C3orf20: variants seen among roughly 807,000 people sequenced by gnomAD.
The protein encoded by C3orf20 is uncharacterized protein C3orf20.
Under a neutral mutation model 88.3 loss-of-function variants are expected in C3orf20, and 76 were observed. That is an observed-to-expected ratio of 0.86 (90% confidence interval 0.72 to 1.04). The LOEUF (loss-of-function observed/expected upper bound fraction) is 1.04, where lower values mean the gene tolerates loss of function less well. C3orf20 is among the 50% of genes least tolerant of loss of function. The probability of loss-of-function intolerance (pLI) is 0.00; values close to 1 mark genes in which losing one functional copy is unlikely to be tolerated. For synonymous variants in C3orf20, 436 were observed against 437.4 expected, an observed-to-expected ratio of 1.00 and a Z score of 0.04; for missense variants, 1,056 against 1,123.3, an observed-to-expected ratio of 0.94 and a Z score of 0.86.
At position 14,737,234 on chromosome 3, in the gene C3orf20, CT is replaced by C. The variant is rs1409343270; in HGVS notation, c.1940+8551del. 1.3e-4 allele frequency among the ~76,000 whole-genome samples: 19 copies of C among 151,712 alleles called. 1 individual carries two copies. The South Asian group carries it at 3.5e-3, about 28-fold the overall frequency. On this transcript the variant is annotated intron_variant, in intron 12 of 16. Transcript: ENST00000253697. The stretch of plus-strand genomic sequence containing the variant: ...TCTCTTTTTATCCTCCCTTTTTTCT[CT>C]TTTTCCCCCTCCCTTCCTCCTTTAC...
At chr3:14,771,583 T>C (rs1387562661) in intron 15 of C3orf20, among the ~76,000 whole-genome samples, 2 of 152,240 alleles carry the variant, frequency 1.3e-5, no homozygotes, top group African/African-American at 4.8e-5. Flanking sequence ...ACCAGTTATG[T>C]TGGATTGGAC....
At chr3:14,703,796 G>C (rs1203573792) in intron 6 of C3orf20, among the ~76,000 whole-genome samples, 1 of 152,236 alleles carries the variant, frequency 6.6e-6, no homozygotes, top group African/African-American at 2.4e-5. Context: ...TGGGTGATTA[G>C]TGGTTTTTAT....
At chr3:14,677,910 TC>T (rs754533833) in intron 1 of C3orf20, among the ~76,000 whole-genome samples, 3 of 151,892 alleles carry the variant, frequency 2.0e-5, no homozygotes, top group Non-Finnish European at 2.9e-5. Context: ...CCACCACACT[TC>T]CCTCCACGCT....
At chr3:14,753,714 T>A (rs2035282688) in intron 12 of C3orf20, among the ~76,000 whole-genome samples, 1 of 152,200 alleles carries the variant, frequency 6.6e-6, no homozygotes, top group African/African-American at 2.4e-5. Context: ...TCCTTAAGAT[T>A]TGTTGTTGCT....
chr3:14,722,435 G>C (rs2124976911), intron 10 of C3orf20: 10 of 456,244 alleles, frequency 2.2e-5, no homozygotes, highest in South Asian at 1.6e-4. Context: ...GAACCACCTG[G>C]GCAAAGGATA....
chr3:14,761,692 A>T, intron 15 of C3orf20, 77 bp downstream of exon 15: 40 of 1,102,896 alleles, frequency 3.6e-5, no homozygotes, highest in East Asian at 8.8e-5. Context: ...GGGCTGTGAA[A>T]GGGGAACTGA....
rs185786960 is a variant in C3orf20, at chr3:14,707,780, G to A, written c.1160+3162G>A. Among the ~76,000 whole-genome samples the A allele has an allele frequency of 3.8e-4, 56 of 148,596 alleles. 1 individual carries two copies. Among genetic ancestry groups the A allele is most frequent in the South Asian group, 3.4e-3 (16 of 4,702 alleles). ...TTGGCTTTATGTCTAAAAAACCATC[G>A]CCAAATCCAAGGTTATAACATTTAC... On this transcript the variant is annotated intron_variant, in intron 7 of 16. Transcript: ENST00000253697.
In C3orf20 at chr3:14,757,661, C is replaced by G. The variant is rs1222044103; in HGVS notation, c.2231C>G (p.Ser744Cys). The G allele has an allele frequency of 6.2e-7, 1 of 1,609,962 alleles. No homozygotes were observed. The highest frequency in any genetic ancestry group is 1.1e-5 in the South Asian group (1 of 90,900). The change falls in exon 13 of 17, where the codon TCC becomes TGC. Residue 744 changes from serine (S) to cysteine (C), a missense_variant. Physicochemically the swap from Ser to Cys is moderately radical, Grantham distance 112. Transcript: ENST00000253697. The stretch of plus-strand genomic sequence containing the variant: ...AACCACCAGCAGCGGGGCCGTGGCT[C>G]CCCCTGCATCCAGGTTGGTCTGGGC... Reference protein sequence around the residue: ...LYNHQQRGRGSPCIQCRYDSY... With the variant: ...LYNHQQRGRGCPCIQCRYDSY...
At chr3:14,736,436 G>A (rs765812408) in intron 12 of C3orf20, among the ~76,000 whole-genome samples, 25 of 151,858 alleles carry the variant, frequency 1.6e-4, no homozygotes, top group Admixed American at 3.3e-4. Context: ...GATTACAAGC[G>A]TGTGCCACCA....
At chr3:14,700,443 G>A (rs775221771) in intron 5 of C3orf20, among the ~76,000 whole-genome samples, 2 of 152,130 alleles carry the variant, frequency 1.3e-5, no homozygotes, top group Non-Finnish European at 2.9e-5. Context: ...TATCATAGGT[G>A]TGCATGTAAA....
intron 12 of C3orf20, among the ~76,000 whole-genome samples, chr3:14,744,641 A>G (rs2035009495): frequency 1.3e-5 from 2 of 152,144 alleles, no homozygotes; most frequent in South Asian, 4.1e-4. Flanking sequence ...AATTGGACTT[A>G]CAGTTCCCCA....
At chr3:14,753,310 G>A (rs1330375016) in intron 12 of C3orf20, among the ~76,000 whole-genome samples, 1 of 152,170 alleles carries the variant, frequency 6.6e-6, no homozygotes, top group Non-Finnish European at 1.5e-5. Context: ...GACATAGGGA[G>A]GGGAACATCA....
intron 4 of C3orf20, among the ~76,000 whole-genome samples, chr3:14,685,793 T>C (rs1350330396): frequency 2.0e-5 from 3 of 152,248 alleles, no homozygotes; most frequent in South Asian, 2.1e-4. Flanking sequence ...TTTCTGGCTT[T>C]TTTTTCATTC....
At position 14,692,189 on chromosome 3, in the gene C3orf20, G is replaced by A. The variant is rs1180370078; in HGVS notation, c.745+2073G>A. Among the ~76,000 whole-genome samples, 3 of 152,174 alleles carry A rather than the reference G, an allele frequency of 2.0e-5. No homozygotes were observed. In the East Asian group the frequency reaches 5.8e-4, roughly 29 times the overall value. Reference sequence around the variant, plus strand: ...TGCTTCCAACTCTTGGCCATTATGAGTGGTGCTGCCCTAAACATGGGAGTG... The same window carrying A: ...TGCTTCCAACTCTTGGCCATTATGAATGGTGCTGCCCTAAACATGGGAGTG... On this transcript the variant is annotated intron_variant, in intron 5 of 16. Transcript: ENST00000253697.
intron 5 of C3orf20, among the ~76,000 whole-genome samples, chr3:14,698,030 T>C (rs1575102956): frequency 6.6e-6 from 1 of 152,208 alleles, no homozygotes; most frequent in South Asian, 2.1e-4. Context: ...CGTGTGCATG[T>C]GTCTTTATAG....
intron 12 of C3orf20, among the ~76,000 whole-genome samples, chr3:14,744,764 AT>A (rs897178908): frequency 6.6e-6 from 1 of 152,068 alleles, no homozygotes; most frequent in African/African-American, 2.4e-5. Flanking sequence ...CACCCATCAG[AT>A]CTCATGAGAT....
intron 10 of C3orf20, among the ~76,000 whole-genome samples, chr3:14,723,118 G>A (rs1365743104): frequency 6.6e-6 from 1 of 152,238 alleles, no homozygotes; most frequent in Non-Finnish European, 1.5e-5. Context: ...ATGGCACTAT[G>A]TGTCCCCCTC....
intron 10 of C3orf20, among the ~76,000 whole-genome samples, chr3:14,722,869 T>G (rs1302390926): frequency 6.6e-6 from 1 of 152,086 alleles, no homozygotes; most frequent in Non-Finnish European, 1.5e-5. Context: ...TGGAGAGGAT[T>G]AAGAGGACAC....
At chr3:14,688,306 G>T in intron 4 of C3orf20, among the ~76,000 whole-genome samples, 1 of 152,050 alleles carries the variant, frequency 6.6e-6, no homozygotes, top group South Asian at 2.1e-4. Context: ...GAGGCAGGAG[G>T]ATTGCTTGAG....
Sources: allele counts gnomAD v4.1 joint callset (sites outside exome capture counted in the v4.1 genomes callset), GRCh38; gene constraint gnomAD v4.1.1; transcripts MANE v1.5; gene names NCBI Gene and HGNC (gene_info 2026-07-23, HGNC 2026-07-21).